TRIP11: variants seen among roughly 807,000 people sequenced by gnomAD.
The protein encoded by TRIP11 is thyroid hormone receptor interactor 11, also known as thyroid receptor-interacting protein 11.
A neutral mutation model predicts 223.1 loss-of-function variants in TRIP11; 148 were observed. That is an observed-to-expected ratio of 0.66 (90% CI 0.58 to 0.76). The LOEUF is 0.76. TRIP11 is among the 30% of genes least tolerant of loss of function. The probability of loss-of-function intolerance (pLI) is 0.00; values close to 1 mark genes in which losing one functional copy is unlikely to be tolerated. For missense variants in TRIP11, 2,043 were observed against 2,222.0 expected (o/e 0.92, Z 1.62); for synonymous variants, 762 against 772.6 (o/e 0.99, Z 0.23).
At chr14:91,994,848 C>T (rs7145052) in intron 14 of TRIP11, among the ~76,000 whole-genome samples, 73,846 of 151,938 alleles carry the variant, frequency 0.49, 18,958 homozygotes, top group African/African-American at 0.65. Context: ...CAAAAAAGCA[C>T]CTTCCATATG....
At chr14:91,983,400 C>T (rs1005514699) in intron 16 of TRIP11, among the ~76,000 whole-genome samples, 1 of 152,132 alleles carries the variant, frequency 6.6e-6, no homozygotes, top group Non-Finnish European at 1.5e-5. Flanking sequence ...ACAAAAAGAA[C>T]AATTTATGTT....
intron 5 of TRIP11, among the ~76,000 whole-genome samples, 199 bp downstream of exon 5, chr14:92,017,483 G>C (rs2057049301): frequency 6.6e-6 from 1 of 152,170 alleles, no homozygotes; most frequent in African/African-American, 2.4e-5. Context: ...AGGAGTATGA[G>C]GCTGCAGTGA....
intron 1 of TRIP11, among the ~76,000 whole-genome samples, chr14:92,038,453 C>T (rs1273527172): frequency 6.6e-6 from 1 of 152,150 alleles, no homozygotes; most frequent in Non-Finnish European, 1.5e-5. Context: ...CACTGATGCA[C>T]CTTTATGGCA....
chr14:92,004,220 C>G lies in TRIP11; in HGVS notation c.3756G>C (p.Gln1252His). The change falls in exon 11 of 21, where the codon CAG (glutamine) becomes CAC (histidine). Residue 1252 changes from glutamine to histidine, a missense_variant. Coordinates refer to ENST00000267622, the MANE Select transcript of TRIP11 (RefSeq NM_004239.4). ...AATTATTATCACTGTCAACCAAAAC[C>G]TGTGCTTGAAGTTGGTGAAGCTCTT... ...LQEELHQLQAQVLVDSDNNSK... is the reference protein window; with the variant it reads ...LQEELHQLQAHVLVDSDNNSK... 1 of 1,614,160 alleles carries G rather than the reference C, an allele frequency of 6.2e-7. No individual in the cohort carries two copies. Among genetic ancestry groups the G allele is most frequent in the Non-Finnish European group, 8.5e-7 (1 of 1,180,030 alleles).
At chr14:92,027,028 GAC>G in intron 2 of TRIP11, 1 of 621,268 alleles carries the variant, frequency 1.6e-6, no homozygotes, top group Admixed American at 2.7e-5. Context: ...ACCAGCAGAT[GAC>G]ACGCGCTCTC....
chr14:91,981,413 A>G (rs1375044335), intron 16 of TRIP11, among the ~76,000 whole-genome samples: 1 of 152,172 alleles, frequency 6.6e-6, no homozygotes, highest in East Asian at 1.9e-4. Flanking sequence ...TTTTTTAGAC[A>G]GAGTCTCGCT....
chr14:92,020,051 C>T (rs957447967), intron 4 of TRIP11, among the ~76,000 whole-genome samples: 4 of 151,970 alleles, frequency 2.6e-5, no homozygotes, highest in Non-Finnish European at 5.9e-5. Flanking sequence ...AGTTTGAGAC[C>T]AGCCTGGGTA....
chr14:92,000,202 T>C, intron 11 of TRIP11, 94 bp from the exon 12 acceptor site: 1 of 1,562,256 alleles, frequency 6.4e-7, no homozygotes, highest in Non-Finnish European at 8.7e-7. Flanking sequence ...ATTCATTTAA[T>C]TTTTAAATAG....
At chr14:92,017,329 G>A (rs2057047163) in intron 5 of TRIP11, among the ~76,000 whole-genome samples, 1 of 152,126 alleles carries the variant, frequency 6.6e-6, no homozygotes, top group Non-Finnish European at 1.5e-5. Context: ...ATGGCTTGAG[G>A]CTAGAAGTTC....
intron 16 of TRIP11, among the ~76,000 whole-genome samples, chr14:91,981,992 AACTTCT>A (rs2056551533): frequency 6.6e-6 from 1 of 152,096 alleles, no homozygotes; most frequent in Non-Finnish European, 1.5e-5. Flanking sequence ...AATAAAAATA[AACTTCT>A]ACTTCTTAGC....
intron 1 of TRIP11, among the ~76,000 whole-genome samples, chr14:92,034,424 C>CAAAAAAAAAAAAAA (rs34612555): frequency 4.0e-4 from 53 of 133,294 alleles, no homozygotes; most frequent in African/African-American, 1.4e-3. Flanking sequence ...CTCTTGTCTC[C>CAAAAAAAAAAAAAA]AAAAAAAAAA....
At chr14:92,014,769 T>C (rs1016413891) in intron 6 of TRIP11, among the ~76,000 whole-genome samples, 192 bp from the exon 7 acceptor site, 2 of 152,208 alleles carry the variant, frequency 1.3e-5, no homozygotes, top group Non-Finnish European at 2.9e-5. Context: ...TAAAGGCCTA[T>C]GTATCTTAGT....
At position 91,988,402 on chromosome 14, in the gene TRIP11, T is replaced by C; in HGVS notation, c.5161-19A>G. 1 of 1,607,856 alleles carries C rather than the reference T, an allele frequency of 6.2e-7. No individual in the cohort carries two copies. Among genetic ancestry groups the C allele is most frequent in the African/African-American group, 1.3e-5 (1 of 74,884 alleles). On this transcript the variant is annotated intron_variant, in intron 15 of 20. Coordinates refer to ENST00000267622, the MANE Select transcript of TRIP11 (RefSeq NM_004239.4). ...AACATTCCTGAGAAAGAAAACTTTA[T>C]TAAAAAAAAGTATGCAAAAATTATT...
In TRIP11 at chr14:91,969,827, G is replaced by A. The variant is rs760871333; in HGVS notation, c.5786C>T (p.Ala1929Val). The part of the protein sequence containing the change: ...VNPFLAPRSA[A>V]VPLINPAGLG... Reference sequence around the variant, plus strand: ...TCCAGCTGGGTTAATAAGAGGTACAGCTGCCGAGCGAGGAGCCAAAAACGG... The same window carrying A: ...TCCAGCTGGGTTAATAAGAGGTACAACTGCCGAGCGAGGAGCCAAAAACGG... The change falls in exon 21 of 21, where the codon GCT (alanine) becomes GTT (valine). Residue 1929 changes from alanine (A) to valine (V), a missense_variant. Transcript: ENST00000267622. 1 of 1,614,208 alleles carries A rather than the reference G, an allele frequency of 6.2e-7. No homozygotes were observed. Among genetic ancestry groups the A allele is most frequent in the Non-Finnish European group, 8.5e-7 (1 of 1,180,036 alleles).
At chr14:92,022,207 T>C (rs1299782060) in intron 3 of TRIP11, among the ~76,000 whole-genome samples, 2 of 152,242 alleles carry the variant, frequency 1.3e-5, no homozygotes, top group Non-Finnish European at 2.9e-5. Flanking sequence ...TGTGTCCGTC[T>C]ATGCACTGGA....
chr14:92,013,919 A>G (rs980848887), intron 7 of TRIP11, among the ~76,000 whole-genome samples: 2 of 152,212 alleles, frequency 1.3e-5, no homozygotes, highest in African/African-American at 4.8e-5. Context: ...GATCGTTTCA[A>G]ACAGGTAACA....
chr14:92,018,973 A>C (rs935690784), intron 4 of TRIP11, among the ~76,000 whole-genome samples: 16 of 151,126 alleles, frequency 1.1e-4, no homozygotes, highest in East Asian at 5.8e-4. Context: ...AAAAAAAAAA[A>C]AAAAACAAAA....
At chr14:92,011,483 CAAAAAAAAAAAAAA>C (rs200967942) in intron 8 of TRIP11, among the ~76,000 whole-genome samples, 10 of 42,468 alleles carry the variant, frequency 2.4e-4, no homozygotes, top group Admixed American at 3.8e-4. Context: ...GACTCCGTCT[CAAAAAAAAAAAAAA>C]AAAAAAAAAA....
intron 16 of TRIP11, among the ~76,000 whole-genome samples, chr14:91,987,403 G>A (rs187916345): frequency 2.0e-5 from 3 of 152,122 alleles, no homozygotes. Context: ...GGTTCCTGCC[G>A]GCTTGCCTCC....
Sources: gnomAD v4.1 joint callset for allele counts (sites outside exome capture counted in the v4.1 genomes callset) on GRCh38, gnomAD v4.1.1 for gene constraint, MANE v1.5 for transcripts, NCBI Gene and HGNC (gene_info 2026-07-23, HGNC 2026-07-21) for gene names.